The following GET1 variants were observed in gnomAD, a reference collection of about 807,000 sequenced individuals.
GET1 encodes the protein congenital heart disease 5 protein.
A neutral mutation model predicts 22.6 loss-of-function variants in GET1; 20 were observed. The ratio of observed to expected loss-of-function variants is 0.89; its 90% confidence interval spans 0.62 to 1.29. The LOEUF is 1.29. GET1 is among the 50% of genes most tolerant of loss of function. The probability of loss-of-function intolerance (pLI) is 0.00; values close to 1 mark genes in which losing one functional copy is unlikely to be tolerated. For synonymous variants in GET1, 92 were observed against 83.8 expected, an observed-to-expected ratio of 1.10 and a Z score of -0.53; for missense variants, 209 against 219.9, an observed-to-expected ratio of 0.95 and a Z score of 0.31.
Position 39,382,042 on chromosome 21 carries a change from C to A in GET1, c.102+1556C>A, listed in dbSNP as rs555363845. On this transcript the variant is annotated intron_variant, in intron 1 of 4. Transcript: ENST00000649170. Reference sequence around the variant, plus strand: ...GTGTGAACCACTGCACGTGGCCCCGCTCCCAGAACATTTTCTTTTTTTTTT... The same window carrying A: ...GTGTGAACCACTGCACGTGGCCCCGATCCCAGAACATTTTCTTTTTTTTTT... 4.0e-5 allele frequency among the ~76,000 whole-genome samples: 6 copies of A among 151,244 alleles called. No homozygotes were observed. In the South Asian group the frequency reaches 8.4e-4, roughly 21 times the overall value.
intron 4 of GET1, among the ~76,000 whole-genome samples, chr21:39,403,814 G>A (rs556913280): frequency 6.6e-6 from 1 of 151,924 alleles, no homozygotes; most frequent in Non-Finnish European, 1.5e-5. Context: ...TAGAGACGGG[G>A]TTTCACCAAA....
intron 1 of GET1, among the ~76,000 whole-genome samples, chr21:39,383,779 C>T (rs1358441637): frequency 6.6e-6 from 1 of 150,998 alleles, no homozygotes; most frequent in Non-Finnish European, 1.5e-5. Flanking sequence ...CTCTCTCTGT[C>T]ACCCAGGCTG....
intron 1 of GET1, among the ~76,000 whole-genome samples, chr21:39,414,734 C>CTG (rs1446676855): frequency 1.6e-3 from 164 of 103,220 alleles, no homozygotes; most frequent in African/African-American, 5.5e-3. Context: ...CTCTCTCTCT[C>CTG]TCTCTCTCTG....
At chr21:39,411,656 A>C in intron 1 of GET1, 2 of 803,752 alleles carry the variant, frequency 2.5e-6, no homozygotes, top group Non-Finnish European at 4.0e-6. Context: ...TGTCTATATA[A>C]ATTAGGAAAA....
At chr21:39,400,577 G>C (rs759398513), downstream of GET1, among the ~76,000 whole-genome samples, 1 of 152,122 alleles carries the variant, frequency 6.6e-6, no homozygotes, top group African/African-American at 2.4e-5. Flanking sequence ...AATTTTCTAA[G>C]TGCTGCTCTC....
chr21:39,414,035 G>A (rs1014405128), intron 1 of GET1: 3 of 152,244 alleles, frequency 2.0e-5, no homozygotes, highest in African/African-American at 7.2e-5. Flanking sequence ...TGGGCCAGAA[G>A]TCTAACACAG....
At chr21:39,392,125 C>A in intron 3 of GET1, 1 of 372,936 alleles carries the variant, frequency 2.7e-6, no homozygotes, top group Non-Finnish European at 4.8e-6. Flanking sequence ...TTTGAAGGGC[C>A]TGGTGGGATG....
At chr21:39,389,623 G>C (rs2038162681) in intron 1 of GET1, among the ~76,000 whole-genome samples, 1 of 152,142 alleles carries the variant, frequency 6.6e-6, no homozygotes, top group Non-Finnish European at 1.5e-5. Context: ...GTTCCTTCTT[G>C]TCTTGTATGT....
chr21:39,406,854 A>G, downstream of GET1: 1 of 418,826 alleles, frequency 2.4e-6, no homozygotes, highest in Admixed American at 4.1e-5. Context: ...GAAAAATGAC[A>G]TTCATAGAAG....
chr21:39,406,068 C>G lies in GET1; in HGVS notation c.*84C>G, dbSNP rs1015400089. 3.1e-6 allele frequency: 5 copies of G among 1,614,168 alleles called. No homozygotes were observed. The East Asian group carries it at 1.1e-4, about 36-fold the overall frequency. On this transcript the variant is annotated 3_prime_UTR_variant, in exon 5 of 5. Transcript: ENST00000415847. ...CACCAGGACTTGATTGGTCAGTTTT[C>G]AAGACATAGCCTGATCCAAAGAGTT...
At chr21:39,399,565 C>T (rs2038787723), downstream of GET1, among the ~76,000 whole-genome samples, 1 of 152,130 alleles carries the variant, frequency 6.6e-6, no homozygotes, top group Admixed American at 6.6e-5. Context: ...CTGCCTCAGC[C>T]TCCCGAGTAG....
intron 1 of GET1, chr21:39,425,827 A>AGG (rs2074594029): frequency 6.6e-6 from 1 of 152,294 alleles, no homozygotes; most frequent in Non-Finnish European, 1.5e-5. Context: ...GATGGGATCC[A>AGG]TGGGCACTGG....
intron 1 of GET1, among the ~76,000 whole-genome samples, chr21:39,415,621 A>G (rs935204430): frequency 6.6e-6 from 1 of 152,174 alleles, no homozygotes; most frequent in Non-Finnish European, 1.5e-5. Flanking sequence ...CACATAATCA[A>G]ATATCCAGTT....
intron 1 of GET1, among the ~76,000 whole-genome samples, chr21:39,412,342 T>C (rs1016657444): frequency 8.5e-5 from 13 of 152,220 alleles, no homozygotes; most frequent in African/African-American, 3.1e-4. Flanking sequence ...AAGGGTATCA[T>C]TGTTCCATTT....
At chr21:39,394,571 G>A (rs952840011) in intron 4 of GET1, among the ~76,000 whole-genome samples, 1 of 152,120 alleles carries the variant, frequency 6.6e-6, no homozygotes, top group Non-Finnish European at 1.5e-5. Flanking sequence ...CTGTTCCGGA[G>A]GCTGGGGAGT....
chr21:39,417,029 G>T (rs1191964652), intron 1 of GET1, among the ~76,000 whole-genome samples: 1 of 151,140 alleles, frequency 6.6e-6, no homozygotes, highest in African/African-American at 2.5e-5. Context: ...GATATTTAGG[G>T]ATAGCTTTTT....
At chr21:39,396,087 A>G (rs1394587665) in intron 4 of GET1, among the ~76,000 whole-genome samples, 5 of 152,166 alleles carry the variant, frequency 3.3e-5, no homozygotes, top group African/African-American at 4.8e-5. Flanking sequence ...ATACAGCCCT[A>G]TGATTCTATA....
chr21:39,411,030 C>A, downstream of GET1: 1 of 435,492 alleles, frequency 2.3e-6, no homozygotes, highest in Admixed American at 2.6e-5. Context: ...AAGAAGACCT[C>A]ACCAATGAGA....
chr21:39,410,203 G>T, downstream of GET1: 1 of 1,260,236 alleles, frequency 7.9e-7, no homozygotes. Flanking sequence ...ACAAGTGACT[G>T]TAGCCTATTT....
Sources: gnomAD v4.1 joint callset for allele counts (sites outside exome capture counted in the v4.1 genomes callset) on GRCh38, gnomAD v4.1.1 for gene constraint, MANE v1.5 for transcripts, NCBI Gene and HGNC (gene_info 2026-07-23, HGNC 2026-07-21) for gene names.